The following ST7L variants were observed in gnomAD, a reference collection of about 807,000 sequenced individuals.
The protein encoded by ST7L is suppression of tumorigenicity 7 like.
A neutral mutation model predicts 72.5 loss-of-function variants in ST7L; 57 were observed. The observed-to-expected ratio is 0.79, with a 90% CI of 0.64 to 0.98. The LOEUF is 0.98. ST7L is among the 50% of genes least tolerant of loss of function. The probability of loss-of-function intolerance (pLI) is 0.00; values close to 1 mark genes in which losing one functional copy is unlikely to be tolerated. For missense variants in ST7L, 576 were observed against 672.2 expected (o/e 0.86, Z 1.58); for synonymous variants, 221 against 240.9 (o/e 0.92, Z 0.77).
chr1:112,602,497 C>T (rs1667566107), intron 3 of ST7L, among the ~76,000 whole-genome samples: 1 of 152,132 alleles, frequency 6.6e-6, no homozygotes, highest in Non-Finnish European at 1.5e-5. Flanking sequence ...TGACAACAAA[C>T]TGTACTAGAA....
intron 3 of ST7L, among the ~76,000 whole-genome samples, chr1:112,609,562 G>A (rs1212285130): frequency 4.0e-5 from 6 of 151,320 alleles, no homozygotes; most frequent in African/African-American, 1.5e-4. Flanking sequence ...GGTGGCTCAC[G>A]CCTGTAATCC....
intron 14 of ST7L, among the ~76,000 whole-genome samples, chr1:112,541,032 C>A (rs573684081): frequency 1.3e-5 from 2 of 152,150 alleles, no homozygotes; most frequent in Non-Finnish European, 2.9e-5. Flanking sequence ...TGCCTGTAAT[C>A]CCAGCACTTT....
chr1:112,598,965 CA>C (rs1192263647), intron 4 of ST7L, among the ~76,000 whole-genome samples: 1 of 146,844 alleles, frequency 6.8e-6, no homozygotes, highest in Admixed American at 6.9e-5. Flanking sequence ...GAGGCTGAGG[CA>C]GAAGAATCAC....
intron 13 of ST7L, among the ~76,000 whole-genome samples, chr1:112,549,050 A>G (rs956257728): frequency 3.3e-5 from 5 of 151,578 alleles, no homozygotes; most frequent in Non-Finnish European, 5.9e-5. Flanking sequence ...TGGGATTTTG[A>G]TAGCGATTGT....
rs1657414949 is a variant in ST7L at position 112,547,843 on chromosome 1, C to T, written c.1489+2758G>A. Among the ~76,000 whole-genome samples, 4 of 151,916 alleles carry T rather than the reference C, an allele frequency of 2.6e-5. No individual in the cohort carries two copies. The South Asian group carries it at 8.3e-4, about 32-fold the overall frequency. ...CCTCCCAAAGTGCTGGGATTACAAA[C>T]GTGAGCCATCGTTCCTGGCCTGTCC... On this transcript the variant is annotated intron_variant, in intron 13 of 14. Coordinates refer to ENST00000358039, the MANE Select transcript of ST7L (RefSeq NM_017744.5).
intron 12 of ST7L, among the ~76,000 whole-genome samples, chr1:112,555,381 C>T (rs1658939334): frequency 1.3e-5 from 2 of 151,828 alleles, no homozygotes; most frequent in South Asian, 2.1e-4. Context: ...CTGGCTAACA[C>T]GAGGAAACCC....
intron 6 of ST7L, among the ~76,000 whole-genome samples, chr1:112,586,326 A>C (rs1664865454): frequency 6.6e-6 from 1 of 152,122 alleles, no homozygotes; most frequent in Admixed American, 6.6e-5. Flanking sequence ...CTGTAGTCCT[A>C]GTTACTTTGG....
At chr1:112,605,270 G>A (rs540707636) in intron 3 of ST7L, among the ~76,000 whole-genome samples, 2 of 151,812 alleles carry the variant, frequency 1.3e-5, no homozygotes, top group Non-Finnish European at 1.5e-5. Context: ...GCAGGTGCCC[G>A]TAATAACAGC....
intron 6 of ST7L, among the ~76,000 whole-genome samples, chr1:112,590,134 A>T (rs909565047): frequency 2.0e-5 from 3 of 152,218 alleles, no homozygotes; most frequent in African/African-American, 4.8e-5. Flanking sequence ...TTCTTTCAGT[A>T]AGCTGAAATA....
chr1:112,596,170 TA>T (rs1236424072), intron 5 of ST7L, among the ~76,000 whole-genome samples: 8 of 152,208 alleles, frequency 5.3e-5, no homozygotes, highest in Admixed American at 5.2e-4. Flanking sequence ...CATATAAACA[TA>T]AATCTATTTT....
chr1:112,550,868 G>A (rs1346193641), intron 12 of ST7L, among the ~76,000 whole-genome samples, 175 bp from the exon 13 acceptor site: 1 of 152,080 alleles, frequency 6.6e-6, no homozygotes, highest in African/African-American at 2.4e-5. Flanking sequence ...GATTTATTTA[G>A]ATAATAGTGA....
At chr1:112,534,926 A>G (rs1454995535) in intron 14 of ST7L, among the ~76,000 whole-genome samples, 1 of 151,296 alleles carries the variant, frequency 6.6e-6, no homozygotes, top group Non-Finnish European at 1.5e-5. Flanking sequence ...TTTGAGGGGG[A>G]AAAAAGATGA....
intron 3 of ST7L, among the ~76,000 whole-genome samples, chr1:112,604,241 G>A (rs547323930): frequency 3.3e-5 from 5 of 152,174 alleles, no homozygotes; most frequent in South Asian, 4.2e-4. Context: ...CTTGGAAGGC[G>A]GAGGTTGCAG....
chr1:112,581,920 A>C, intron 9 of ST7L, 72 bp downstream of exon 9: 1 of 1,069,552 alleles, frequency 9.3e-7, no homozygotes, highest in South Asian at 1.3e-5. Flanking sequence ...TAAATACTAG[A>C]ATATAACCAC....
intron 11 of ST7L, among the ~76,000 whole-genome samples, chr1:112,573,707 T>C (rs1213085314): frequency 6.6e-6 from 1 of 151,774 alleles, no homozygotes; most frequent in Non-Finnish European, 1.5e-5. Flanking sequence ...ACAGAATAAA[T>C]AAACAGGGAC....
At chr1:112,611,764 C>T (rs751834220) in intron 2 of ST7L, among the ~76,000 whole-genome samples, 14 of 151,848 alleles carry the variant, frequency 9.2e-5, no homozygotes, top group Admixed American at 5.9e-4. Context: ...AATTCTAGAC[C>T]AGCCTGGACA....
chr1:112,590,527 C>T (rs1490545928), intron 6 of ST7L, among the ~76,000 whole-genome samples: 2 of 152,082 alleles, frequency 1.3e-5, no homozygotes, highest in South Asian at 2.1e-4. Context: ...ATAAGGATAG[C>T]GTATATACTT....
At chr1:112,568,557 G>A (rs1469462665) in intron 11 of ST7L, among the ~76,000 whole-genome samples, 3 of 150,794 alleles carry the variant, frequency 2.0e-5, no homozygotes, top group Non-Finnish European at 4.4e-5. Flanking sequence ...GGATGGTCTC[G>A]ATCTCCTGAC....
intron 14 of ST7L, among the ~76,000 whole-genome samples, chr1:112,537,299 C>T (rs1418392971): frequency 6.6e-6 from 1 of 151,862 alleles, no homozygotes; most frequent in African/African-American, 2.4e-5. Context: ...ATGACTGGCC[C>T]CAATTAGAGA....
Sources: allele counts gnomAD v4.1 joint callset (sites outside exome capture counted in the v4.1 genomes callset), GRCh38; gene constraint gnomAD v4.1.1; transcripts MANE v1.5; gene names NCBI Gene and HGNC (gene_info 2026-07-23, HGNC 2026-07-21).